The following SLC4A4 variants were observed in gnomAD, a reference collection of about 807,000 sequenced individuals.
The protein encoded by SLC4A4 is solute carrier family 4 member 4.
Under a neutral mutation model 111.5 loss-of-function variants are expected in SLC4A4, and 27 were observed. That is an observed-to-expected ratio of 0.24 (90% CI 0.18 to 0.33). The LOEUF is 0.33. Among genes scored for constraint, SLC4A4 ranks in the 10% least tolerant of loss-of-function variants. The pLI is 1.00. For synonymous variants in SLC4A4, 443 were observed against 463.4 expected (o/e 0.96, Z 0.57); for missense variants, 909 against 1,315.5 (o/e 0.69, Z 4.78).
At chr4:71,376,942 G>A (rs145536580) in intron 6 of SLC4A4, among the ~76,000 whole-genome samples, 55 of 152,036 alleles carry the variant, frequency 3.6e-4, no homozygotes, top group African/African-American at 1.3e-3. Context: ...GGCCTCATTT[G>A]GTTGTATATT....
intron 3 of SLC4A4, among the ~76,000 whole-genome samples, chr4:71,268,836 G>A (rs549037649): frequency 1.3e-5 from 2 of 152,290 alleles, no homozygotes; most frequent in South Asian, 4.1e-4. Flanking sequence ...ATAGTTCAGA[G>A]GGCATTCAGG....
chr4:71,260,202 G>A (rs903669402), intron 3 of SLC4A4, among the ~76,000 whole-genome samples: 13 of 152,144 alleles, frequency 8.5e-5, no homozygotes, highest in African/African-American at 1.2e-4. Flanking sequence ...TGGTGCTTCC[G>A]GGTAAATGAA....
chr4:71,567,583 T>A lies in SLC4A4; in HGVS notation c.*37-205T>A, dbSNP rs3816468. ...ATTAATTTAATCTAGGTATGAGATC[T>A]TATGAATTTTTTTACTTGAATTTCT... On this transcript the variant is annotated intron_variant, in intron 25 of 25. Coordinates refer to ENST00000264485, the MANE Select transcript of SLC4A4 (RefSeq NM_001098484.3). 3.3e-5 allele frequency among the ~76,000 whole-genome samples: 5 copies of A among 151,726 alleles called. No individual in the cohort carries two copies. In the East Asian group the frequency reaches 7.8e-4, roughly 24 times the overall value.
intron 7 of SLC4A4, among the ~76,000 whole-genome samples, chr4:71,427,442 T>C (rs1159163116): frequency 6.6e-6 from 1 of 152,084 alleles, no homozygotes; most frequent in Non-Finnish European, 1.5e-5. Flanking sequence ...ATGGATTCCA[T>C]TTAAATTCCC....
chr4:71,112,996 G>A (rs1227711835), intron 2 of SLC4A4, among the ~76,000 whole-genome samples: 1 of 152,168 alleles, frequency 6.6e-6, no homozygotes, highest in Non-Finnish European at 1.5e-5. Context: ...TTACCCTGCA[G>A]TTTGATCTTG....
In SLC4A4 at chr4:71,560,217, A is replaced by C. The variant is rs552492720; in HGVS notation, c.3062A>C (p.Lys1021Thr). 2 of 1,610,866 alleles carry C rather than the reference A, an allele frequency of 1.2e-6. No homozygotes were observed. Among genetic ancestry groups the C allele is most frequent in the Non-Finnish European group, 1.7e-6 (2 of 1,178,086 alleles). ...AAGAAGGAGGATGAGAAGAAAAAGAAAAAGAAGAAGGGAAGTCTGGACAGT... is the reference window on the plus strand; with the variant it reads ...AAGAAGGAGGATGAGAAGAAAAAGACAAAGAAGAAGGGAAGTCTGGACAGT... ...KKKKEDEKKK[K>T]KKKGSLDSDN... Residue 1021 changes from lysine (K) to threonine (T), a missense_variant, in exon 23 of 26, where the codon AAA (lysine) becomes ACA (threonine). Lys to Thr is a moderately conservative substitution (Grantham distance 78). Transcript: ENST00000264485.
chr4:71,350,244 C>T (rs1729694627), intron 5 of SLC4A4, among the ~76,000 whole-genome samples, 172 bp downstream of exon 5: 1 of 152,160 alleles, frequency 6.6e-6, no homozygotes. Context: ...CTGAAAAATA[C>T]ACAAATATTA....
At position 71,250,929 on chromosome 4, in the gene SLC4A4, C is replaced by A. The variant is rs149044089; in HGVS notation, c.74-4291C>A. 1.5e-3 allele frequency among the ~76,000 whole-genome samples: 230 copies of A among 152,190 alleles called. 2 individuals carry two copies. Among genetic ancestry groups the A allele is most frequent in the Admixed American group, 3.3e-3 (51 of 15,286 alleles). On this transcript the variant is annotated intron_variant, in intron 2 of 25. Coordinates refer to ENST00000264485, the MANE Select transcript of SLC4A4 (RefSeq NM_001098484.3). ...CTTCCTCAAACTGTGGTTTTTGCACCTGTACAATGGGGATAGGAGCAGGAT... is the reference window on the plus strand; with the variant it reads ...CTTCCTCAAACTGTGGTTTTTGCACATGTACAATGGGGATAGGAGCAGGAT...
At chr4:71,447,138 A>G (rs1725311325) in intron 8 of SLC4A4, among the ~76,000 whole-genome samples, 1 of 152,174 alleles carries the variant, frequency 6.6e-6, no homozygotes, top group Admixed American at 6.5e-5. Flanking sequence ...TTACTTGTAG[A>G]GGACTTGGTT....
At chr4:71,174,204 T>C (rs566282186) in intron 2 of SLC4A4, among the ~76,000 whole-genome samples, 2 of 151,970 alleles carry the variant, frequency 1.3e-5, no homozygotes, top group South Asian at 4.2e-4. Context: ...TTGTGTTTTA[T>C]GACAAAAGAG....
chr4:71,123,307 A>C (rs956850699), intron 2 of SLC4A4, among the ~76,000 whole-genome samples: 1 of 152,218 alleles, frequency 6.6e-6, no homozygotes, highest in African/African-American at 2.4e-5. Flanking sequence ...TATAACCATT[A>C]CATTGTAATA....
At chr4:71,332,445 C>CTTTTT (rs1217439953) in intron 3 of SLC4A4, among the ~76,000 whole-genome samples, 1 of 136,900 alleles carries the variant, frequency 7.3e-6, no homozygotes, top group Non-Finnish European at 1.6e-5. Context: ...TGTGTATTTT[C>CTTTTT]TTTTTTTTTT....
At chr4:71,214,808 G>A (rs2149015692) in intron 1 of SLC4A4, among the ~76,000 whole-genome samples, 1 of 152,310 alleles carries the variant, frequency 6.6e-6, no homozygotes, top group South Asian at 2.1e-4. Context: ...GGCCCTGCCT[G>A]GCAGCTCCCA....
At chr4:71,548,618 C>A (rs1317524228) in intron 20 of SLC4A4, among the ~76,000 whole-genome samples, 2 of 151,878 alleles carry the variant, frequency 1.3e-5, no homozygotes, top group East Asian at 3.9e-4. Flanking sequence ...CAGCTATAAA[C>A]AACCACTGTT....
chr4:71,493,649 T>TCTCTC (rs1560558558), intron 15 of SLC4A4, among the ~76,000 whole-genome samples: 1 of 150,782 alleles, frequency 6.6e-6, no homozygotes, highest in Admixed American at 6.6e-5. Flanking sequence ...CTCTCTGTCT[T>TCTCTC]TCTCTCTCTC....
chr4:71,414,384 AG>A (rs1721655980), intron 7 of SLC4A4, among the ~76,000 whole-genome samples: 1 of 152,210 alleles, frequency 6.6e-6, no homozygotes, highest in African/African-American at 2.4e-5. Context: ...ACTAGGGTGG[AG>A]CAAAGGGTGG....
At chr4:71,492,596 T>G (rs1053740083) in intron 15 of SLC4A4, among the ~76,000 whole-genome samples, 3 of 151,980 alleles carry the variant, frequency 2.0e-5, no homozygotes, top group African/African-American at 4.8e-5. Flanking sequence ...GAGCATTCAG[T>G]AAGTCTTTAA....
At chr4:71,069,220 T>C (rs1402261799) in intron 1 of SLC4A4, among the ~76,000 whole-genome samples, 1 of 152,310 alleles carries the variant, frequency 6.6e-6, no homozygotes, top group East Asian at 1.9e-4. Flanking sequence ...TTCTGGCTAA[T>C]GAGATGAAAG....
chr4:71,331,030 G>A (rs1727939801), intron 3 of SLC4A4, among the ~76,000 whole-genome samples: 5 of 152,132 alleles, frequency 3.3e-5, no homozygotes, highest in Admixed American at 2.6e-4. Flanking sequence ...ACCACAATGA[G>A]ATACCATCTC....
Sources: allele counts gnomAD v4.1 joint callset (sites outside exome capture counted in the v4.1 genomes callset), GRCh38; gene constraint gnomAD v4.1.1; transcripts MANE v1.5; gene names NCBI Gene and HGNC (gene_info 2026-07-23, HGNC 2026-07-21).